Variants in GLRA2 observed in about 807,000 individuals in gnomAD.
GLRA2 encodes glycine receptor subunit alpha-2.
GLRA2 carries 11 observed loss-of-function variants against 31.6 expected under a neutral mutation model. The observed-to-expected ratio is 0.35, with a 90% CI of 0.22 to 0.58. GLRA2 has a LOEUF of 0.58. Ranked by LOEUF, GLRA2 falls within the 20% of genes least tolerant of loss-of-function variation. The pLI is 0.84. For synonymous variants in GLRA2, 132 were observed against 134.0 expected (o/e 0.99, Z 0.10); for missense variants, 212 against 351.8 (o/e 0.60, Z 3.18).
upstream of GLRA2, among the ~76,000 whole-genome samples, chrX:14,526,541 G>A (rs768534668): frequency 3.4e-4 from 38 of 111,589 alleles, no homozygotes; most frequent in African/African-American, 1.2e-3. Flanking sequence ...TGAGATGGAG[G>A]GAAGTGAGAA....
intron 7 of GLRA2, among the ~76,000 whole-genome samples, chrX:14,658,500 A>G (rs1411800042): frequency 8.9e-6 from 1 of 111,762 alleles, no homozygotes; most frequent in Non-Finnish European, 1.9e-5. Context: ...TGAGAGCTGT[A>G]TCCAATCCCA....
At chrX:14,476,814 C>T in the GLRA2 span, among the ~76,000 whole-genome samples, 2 of 111,913 alleles carry the variant, frequency 1.8e-5, no homozygotes, top group South Asian at 3.7e-4. Context: ...CTATTAGGTT[C>T]GTGCAAAAGA....
intron 4 of GLRA2, among the ~76,000 whole-genome samples, chrX:14,603,098 CTT>C (rs1356360811): frequency 1.0e-5 from 1 of 97,633 alleles, no homozygotes; most frequent in Non-Finnish European, 2.1e-5. Context: ...TTTTTTTTGA[CTT>C]TTTTGATTAC....
chrX:14,706,442 G>T lies in GLRA2; in HGVS notation c.1080+15583G>T, dbSNP rs954829286. On this transcript the variant is annotated intron_variant, in intron 8 of 8. Transcript: ENST00000218075. ...GTAAAAAGCTCCAAAGCTTTAAATA[G>T]AATTATTTTCACTTGGTAAGAAATA... 5.3e-4 allele frequency among the ~76,000 whole-genome samples: 60 copies of T among 112,433 alleles called. No individual in the cohort carries two copies. In the Middle Eastern group the frequency reaches 0.018, roughly 34 times the overall value.
the GLRA2 span, among the ~76,000 whole-genome samples, chrX:14,467,572 GT>G: frequency 2.7e-5 from 3 of 112,527 alleles, no homozygotes; most frequent in Admixed American, 9.4e-5. Context: ...CAACATCTAA[GT>G]GGTGGTAAAC....
intron 7 of GLRA2, among the ~76,000 whole-genome samples, chrX:14,645,186 C>T (rs1389883444): frequency 3.6e-5 from 4 of 111,679 alleles, no homozygotes; most frequent in Non-Finnish European, 5.6e-5. Context: ...TTGCTCTGTG[C>T]ATGGTTTGAT....
At chrX:14,475,453 A>G in the GLRA2 span, among the ~76,000 whole-genome samples, 1 of 112,197 alleles carries the variant, frequency 8.9e-6, no homozygotes, top group Non-Finnish European at 1.9e-5. Context: ...ATATAGATCT[A>G]CAAACCACCT....
At chrX:14,601,887 G>A (rs1275324011) in intron 4 of GLRA2, among the ~76,000 whole-genome samples, 1 of 111,420 alleles carries the variant, frequency 9.0e-6, no homozygotes, top group Non-Finnish European at 1.9e-5. Flanking sequence ...GAGAATTCGA[G>A]GGGTCTTTGG....
At chrX:14,584,747 A>T (rs1427375289) in intron 4 of GLRA2, among the ~76,000 whole-genome samples, 2 of 111,849 alleles carry the variant, frequency 1.8e-5, no homozygotes, top group African/African-American at 3.3e-5. Flanking sequence ...AATTGATCGG[A>T]CCTGAGAAAA....
At chrX:14,515,197 C>A in the GLRA2 span, among the ~76,000 whole-genome samples, 1 of 111,575 alleles carries the variant, frequency 9.0e-6, no homozygotes, top group Non-Finnish European at 1.9e-5. Flanking sequence ...TATATGAAGT[C>A]ATTTCACTGT....
intron 7 of GLRA2, among the ~76,000 whole-genome samples, chrX:14,609,952 G>A (rs1199812878): frequency 9.0e-6 from 1 of 111,359 alleles, no homozygotes; most frequent in African/African-American, 3.3e-5. Context: ...ATAAAAAGAA[G>A]GCCATCTGCA....
At chrX:14,644,510 A>G (rs946263523) in intron 7 of GLRA2, among the ~76,000 whole-genome samples, 2 of 111,870 alleles carry the variant, frequency 1.8e-5, no homozygotes, top group African/African-American at 6.5e-5. Context: ...TGTGGTTTTC[A>G]TGACCTGCTA....
chrX:14,453,368 CAG>C, the GLRA2 span, among the ~76,000 whole-genome samples: 1 of 111,342 alleles, frequency 9.0e-6, no homozygotes, highest in Non-Finnish European at 1.9e-5. Flanking sequence ...AGGTAGAGGT[CAG>C]GGGTATGGCT....
the GLRA2 span, among the ~76,000 whole-genome samples, chrX:14,509,032 C>T: frequency 8.9e-6 from 1 of 111,896 alleles, no homozygotes; most frequent in South Asian, 3.8e-4. Flanking sequence ...TCTCTCACTC[C>T]TCTCTAAAAA....
At chrX:14,569,285 G>A (rs1245790486) in intron 2 of GLRA2, among the ~76,000 whole-genome samples, 1 of 111,241 alleles carries the variant, frequency 9.0e-6, no homozygotes, top group African/African-American at 3.3e-5. Context: ...AACAAAAAAA[G>A]CCACAACCCT....
chrX:14,568,674 C>G (rs2089839303), intron 2 of GLRA2, among the ~76,000 whole-genome samples: 1 of 78,105 alleles, frequency 1.3e-5, no homozygotes, highest in Non-Finnish European at 2.4e-5. Flanking sequence ...GCCTGGCCAA[C>G]AGAGCAAGAC....
the GLRA2 span, among the ~76,000 whole-genome samples, chrX:14,514,419 A>T: frequency 3.6e-5 from 4 of 111,472 alleles, no homozygotes; most frequent in African/African-American, 1.3e-4. Context: ...AAGTTTTTTT[A>T]AAAAAAGAAA....
chrX:14,629,520 G>A (rs2090621960), intron 7 of GLRA2, among the ~76,000 whole-genome samples: 1 of 111,413 alleles, frequency 9.0e-6, no homozygotes, highest in South Asian at 3.8e-4. Flanking sequence ...ATAGGTTCAT[G>A]ACCATCAGCC....
intron 7 of GLRA2, among the ~76,000 whole-genome samples, chrX:14,630,971 C>G (rs1216720731): frequency 9.1e-6 from 1 of 110,295 alleles, no homozygotes; most frequent in Non-Finnish European, 1.9e-5. Flanking sequence ...GAACTCCTTC[C>G]ATCAAGCCCC....
Sources: gnomAD v4.1 joint callset for allele counts (sites outside exome capture counted in the v4.1 genomes callset) on GRCh38, gnomAD v4.1.1 for gene constraint, MANE v1.5 for transcripts, NCBI Gene and HGNC (gene_info 2026-07-23, HGNC 2026-07-21) for gene names.